Variants in VWA8 observed in about 807,000 individuals in gnomAD.
VWA8 encodes the protein von Willebrand factor A domain-containing protein 8.
In VWA8, 221 loss-of-function variants were observed where a neutral mutation model predicts 241.5. That is an observed-to-expected ratio of 0.91 (90% CI 0.82 to 1.02). VWA8 has a LOEUF of 1.02. Among genes scored for constraint, VWA8 ranks in the 50% least tolerant of loss-of-function variants. The pLI, the probability that VWA8 is intolerant of heterozygous loss-of-function variation, is 0.00. For synonymous variants in VWA8, 852 were observed against 827.1 expected (o/e 1.03, Z -0.52); for missense variants, 2,322 against 2,328.7 (o/e 1.00, Z 0.06).
At chr13:41,876,740 C>T (rs1873918051) in intron 9 of VWA8, among the ~76,000 whole-genome samples, 1 of 152,092 alleles carries the variant, frequency 6.6e-6, no homozygotes, top group South Asian at 2.1e-4. Flanking sequence ...TATTATAACT[C>T]TTCATTTAAC....
At chr13:41,932,909 G>A (rs188278563) in intron 2 of VWA8, among the ~76,000 whole-genome samples, 77 of 151,772 alleles carry the variant, frequency 5.1e-4, no homozygotes, top group Non-Finnish European at 9.9e-4. Context: ...GGAATAAGAC[G>A]TTCTCTCTCA....
intron 38 of VWA8, among the ~76,000 whole-genome samples, chr13:41,613,973 T>C (rs1287204119): frequency 1.3e-5 from 2 of 152,318 alleles, no homozygotes; most frequent in Non-Finnish European, 2.9e-5. Context: ...AAATTCAAGT[T>C]TGGTAACAAA....
At chr13:41,811,180 G>A (rs764608198) in intron 17 of VWA8, 45 bp downstream of exon 17, 1 of 1,486,974 alleles carries the variant, frequency 6.7e-7, no homozygotes. Flanking sequence ...TATAGTTTTA[G>A]TGAAGATCCA....
At chr13:41,594,288 A>G (rs1399302623) in intron 40 of VWA8, among the ~76,000 whole-genome samples, 4 of 151,730 alleles carry the variant, frequency 2.6e-5, no homozygotes, top group Non-Finnish European at 5.9e-5. Flanking sequence ...ACACCTGGTT[A>G]ATTTTTTATT....
intron 12 of VWA8, among the ~76,000 whole-genome samples, chr13:41,846,810 G>T (rs1872310473): frequency 1.3e-5 from 2 of 152,276 alleles, no homozygotes; most frequent in Middle Eastern, 3.4e-3. Context: ...GCCAAGGTAG[G>T]CGGATCACCT....
intron 40 of VWA8, among the ~76,000 whole-genome samples, chr13:41,604,556 C>T (rs1439798538): frequency 6.6e-6 from 1 of 152,020 alleles, no homozygotes; most frequent in East Asian, 1.9e-4. Context: ...AAACTTCCCC[C>T]AGAAGGACAA....
chr13:41,789,474 A>C (rs1272137181), intron 17 of VWA8, among the ~76,000 whole-genome samples: 1 of 152,224 alleles, frequency 6.6e-6, no homozygotes, highest in Admixed American at 6.5e-5. Flanking sequence ...TTACCAACAA[A>C]AAAAAATTGG....
chr13:41,743,545 G>C (rs1005441011), intron 21 of VWA8, among the ~76,000 whole-genome samples: 3 of 152,172 alleles, frequency 2.0e-5, no homozygotes, highest in African/African-American at 7.2e-5. Context: ...CTCCAGAATA[G>C]ACAAAGTTGC....
intron 26 of VWA8, among the ~76,000 whole-genome samples, chr13:41,717,367 G>T (rs2045354516): frequency 6.6e-6 from 1 of 151,012 alleles, no homozygotes; most frequent in Admixed American, 6.6e-5. Context: ...ATAAGAAAAG[G>T]CCCTCTGTAC....
chr13:41,784,713 T>TATATATATAC lies in VWA8; in HGVS notation c.2171-813_2171-812insGTATATATAT, dbSNP rs1175783567. On this transcript the variant is annotated intron_variant, in intron 18 of 44. Coordinates refer to ENST00000379310, the MANE Select transcript of VWA8 (RefSeq NM_015058.2). ...ATACATATACATATATATATATATA[T>TATATATATAC]ATATATATATATATATACACACACA... Among the ~76,000 whole-genome samples the TATATATATAC allele has an allele frequency of 3.4e-4, 24 of 70,702 alleles. 1 individual carries two copies. Among genetic ancestry groups the TATATATATAC allele is most frequent in the African/African-American group, 7.7e-4 (18 of 23,446 alleles). 46.4% of individuals were successfully genotyped at this position (70,702 alleles called of 152,430 possible). A position where few individuals can be genotyped will look rare whatever the true frequency, so the allele number is the denominator to read the frequency against.
chr13:41,653,730 A>T (rs2044883569), intron 37 of VWA8, among the ~76,000 whole-genome samples: 1 of 152,240 alleles, frequency 6.6e-6, no homozygotes, highest in African/African-American at 2.4e-5. Flanking sequence ...CCAATGGAAC[A>T]GAATAGAGAA....
chr13:41,571,764 C>T (rs997224719), intron 43 of VWA8, among the ~76,000 whole-genome samples: 7 of 152,182 alleles, frequency 4.6e-5, no homozygotes, highest in South Asian at 2.1e-4. Flanking sequence ...TCTACCCGGC[C>T]GCCACCCCGT....
intron 26 of VWA8, among the ~76,000 whole-genome samples, chr13:41,706,935 T>G (rs889911962): frequency 6.6e-6 from 1 of 152,202 alleles, no homozygotes; most frequent in Non-Finnish European, 1.5e-5. Context: ...TAGCACTACT[T>G]TTTATCTGCA....
intron 2 of VWA8, among the ~76,000 whole-genome samples, chr13:41,946,972 C>G (rs990556453): frequency 6.6e-6 from 1 of 152,142 alleles, no homozygotes; most frequent in Admixed American, 6.5e-5. Flanking sequence ...TTCTACAATC[C>G]CCCAGGTGAT....
chr13:41,697,091 T>C (rs181675263), intron 29 of VWA8, among the ~76,000 whole-genome samples: 73 of 152,340 alleles, frequency 4.8e-4, no homozygotes, highest in Non-Finnish European at 8.5e-4. Flanking sequence ...CCCAAACTGA[T>C]TGCTTCCCCA....
intron 12 of VWA8, among the ~76,000 whole-genome samples, chr13:41,841,382 T>A (rs1235956426): frequency 6.6e-6 from 1 of 152,186 alleles, no homozygotes; most frequent in Non-Finnish European, 1.5e-5. Context: ...TTATTGTTGT[T>A]TTAAAATTTA....
chr13:41,726,878 C>T (rs2045438694), intron 24 of VWA8, among the ~76,000 whole-genome samples: 1 of 152,036 alleles, frequency 6.6e-6, no homozygotes, highest in Admixed American at 6.6e-5. Flanking sequence ...GCCTGTAATC[C>T]CTACTACTGG....
At chr13:41,820,779 C>A (rs931098913) in intron 14 of VWA8, among the ~76,000 whole-genome samples, 3 of 152,130 alleles carry the variant, frequency 2.0e-5, no homozygotes, top group Non-Finnish European at 4.4e-5. Flanking sequence ...AAACTGGACA[C>A]AGAAAATCCT....
chr13:41,777,093 A>C (rs993288028), intron 20 of VWA8, among the ~76,000 whole-genome samples: 1 of 152,194 alleles, frequency 6.6e-6, no homozygotes, highest in African/African-American at 2.4e-5. Flanking sequence ...TAAACCTAAA[A>C]TTTTCATACG....
Sources: gnomAD v4.1 joint callset for allele counts (sites outside exome capture counted in the v4.1 genomes callset) on GRCh38, gnomAD v4.1.1 for gene constraint, MANE v1.5 for transcripts, NCBI Gene and HGNC (gene_info 2026-07-23, HGNC 2026-07-21) for gene names.